DENND5B: variants seen among roughly 807,000 people sequenced by gnomAD.
The protein encoded by DENND5B is DENN domain containing 5B.
Under a neutral mutation model 140.6 loss-of-function variants are expected in DENND5B, and 34 were observed. That is an observed-to-expected ratio of 0.24 (90% CI 0.18 to 0.32). DENND5B has a LOEUF of 0.32. DENND5B is among the 10% of genes least tolerant of loss of function. The probability of loss-of-function intolerance (pLI) is 1.00; values close to 1 mark genes in which losing one functional copy is unlikely to be tolerated. For missense variants in DENND5B, 1,142 were observed against 1,560.2 expected (o/e 0.73, Z 4.52); for synonymous variants, 551 against 562.1 (o/e 0.98, Z 0.28).
intron 14 of DENND5B, among the ~76,000 whole-genome samples, chr12:31,403,419 C>G (rs1941922812): frequency 6.6e-6 from 1 of 151,312 alleles, no homozygotes; most frequent in Non-Finnish European, 1.5e-5. Flanking sequence ...ATGGCAAAAC[C>G]CCGTCTCTAC....
chr12:31,549,775 A>G (rs1045837951), intron 1 of DENND5B, among the ~76,000 whole-genome samples: 5 of 151,798 alleles, frequency 3.3e-5, no homozygotes, highest in African/African-American at 1.2e-4. Flanking sequence ...TTCACCTCCC[A>G]TTTGTAAGTG....
intron 3 of DENND5B, among the ~76,000 whole-genome samples, chr12:31,473,349 T>C (rs1468318177): frequency 6.6e-6 from 1 of 152,202 alleles, no homozygotes; most frequent in Admixed American, 6.5e-5. Context: ...TTAAACACAC[T>C]TTATCTAAAT....
intron 14 of DENND5B, among the ~76,000 whole-genome samples, chr12:31,404,108 C>T (rs1220035551): frequency 6.6e-6 from 1 of 151,636 alleles, no homozygotes; most frequent in Non-Finnish European, 1.5e-5. Context: ...ACTTGTAGTC[C>T]CAGCTACTCA....
intron 1 of DENND5B, among the ~76,000 whole-genome samples, chr12:31,561,141 A>C (rs948674689): frequency 6.6e-6 from 1 of 152,210 alleles, no homozygotes; most frequent in Non-Finnish European, 1.5e-5. Context: ...CAGTTACCAA[A>C]AAGGATCTAT....
At position 31,387,263 on chromosome 12, in the gene DENND5B, A is replaced by C; in HGVS notation, c.*340T>G. The C allele has an allele frequency of 5.5e-6, 1 of 181,246 alleles. No individual in the cohort carries two copies. The highest frequency in any genetic ancestry group is 1.2e-5 in the Non-Finnish European group (1 of 86,482). The allele number at this position is 181,246 out of a possible 1,614,324, so 11.2% of individuals were successfully genotyped here. ...GTTTACTGGCTTCTTCCTGGCTAGC[A>C]CCACTCTTCCCCCCAACCCCCAACA... On this transcript the variant is annotated 3_prime_UTR_variant, in exon 21 of 21. Coordinates refer to ENST00000389082, the MANE Select transcript of DENND5B (RefSeq NM_144973.4).
chr12:31,491,975 G>A (rs1240191153), intron 2 of DENND5B, among the ~76,000 whole-genome samples: 1 of 152,142 alleles, frequency 6.6e-6, no homozygotes, highest in African/African-American at 2.4e-5. Flanking sequence ...TCTTTAGGTG[G>A]GAATAAATTA....
chr12:31,426,045 G>A (rs1943216288), intron 9 of DENND5B, among the ~76,000 whole-genome samples: 1 of 152,204 alleles, frequency 6.6e-6, no homozygotes, highest in African/African-American at 2.4e-5. Context: ...TCATGTTGGT[G>A]AGGAGGAGAG....
At chr12:31,433,542 A>G (rs905313624) in intron 7 of DENND5B, among the ~76,000 whole-genome samples, 6 of 151,336 alleles carry the variant, frequency 4.0e-5, no homozygotes, top group African/African-American at 1.2e-4. Flanking sequence ...ATACATAACA[A>G]TAAGTCAAAT....
chr12:31,580,521 G>A (rs983689805), intron 1 of DENND5B, among the ~76,000 whole-genome samples: 3 of 151,786 alleles, frequency 2.0e-5, no homozygotes, highest in African/African-American at 7.3e-5. Context: ...TTGAGACAGG[G>A]TCTCACTCTG....
intron 1 of DENND5B, among the ~76,000 whole-genome samples, chr12:31,514,461 T>G (rs574068307): frequency 5.6e-4 from 85 of 152,310 alleles, no homozygotes; most frequent in Non-Finnish European, 9.6e-4. Context: ...TGTGTAAAGA[T>G]TTTTACCTTG....
At chr12:31,428,877 G>A (rs1190539154) in intron 8 of DENND5B, among the ~76,000 whole-genome samples, 2 of 152,142 alleles carry the variant, frequency 1.3e-5, no homozygotes, top group South Asian at 2.1e-4. Context: ...GACTACAGGC[G>A]TCTGCCACCA....
At chr12:31,584,363 T>C (rs1317819873) in intron 1 of DENND5B, among the ~76,000 whole-genome samples, 2 of 152,260 alleles carry the variant, frequency 1.3e-5, no homozygotes, top group Admixed American at 1.3e-4. Flanking sequence ...CTTGGGGTTA[T>C]CACAGAGAAT....
At position 31,479,730 on chromosome 12, in the gene DENND5B, T is replaced by C; in HGVS notation, c.763A>G (p.Ile255Val). Residue 255 changes from isoleucine to valine, a missense_variant, in exon 3 of 21, where the codon ATC becomes GTC. Transcript: ENST00000389082. The part of the protein sequence containing the change: ...LKFYGVYEPV[I>V]CQRPGPSELP... ...TCACTGGGCCCAGGCCTCTGGCAGATGACAGGTTCATAAACACCATAAAAT... is the reference window on the plus strand; with the variant it reads ...TCACTGGGCCCAGGCCTCTGGCAGACGACAGGTTCATAAACACCATAAAAT... 1.2e-6 allele frequency: 2 copies of C among 1,600,582 alleles called. No individual in the cohort carries two copies. Among genetic ancestry groups the C allele is most frequent in the African/African-American group, 2.7e-5 (2 of 74,818 alleles).
intron 1 of DENND5B, among the ~76,000 whole-genome samples, chr12:31,546,369 G>C (rs1313267188): frequency 6.6e-6 from 1 of 151,864 alleles, no homozygotes; most frequent in Non-Finnish European, 1.5e-5. Context: ...TCCTCCCTGA[G>C]TAATACATAT....
At position 31,480,067 on chromosome 12, in the gene DENND5B, C is replaced by T. The variant is rs1306180968; in HGVS notation, c.426G>A (p.Glu142=). The T allele has an allele frequency of 5.6e-6, 9 of 1,613,856 alleles. No homozygotes were observed. The highest frequency in any genetic ancestry group is 7.6e-6 in the Non-Finnish European group (9 of 1,179,878). The change falls in exon 3 of 21, where the codon GAG becomes GAA. Residue 142 remains glutamate, a synonymous_variant. Coordinates refer to ENST00000389082, the MANE Select transcript of DENND5B (RefSeq NM_144973.4). ...MQTLYQMHNA[E]HYSSVYASSS... ...ATGAAGCATACACACTGCTGTAATG[C>T]TCAGCGTTGTGCATCTGGTAAAGTG...
At chr12:31,418,619 G>C (rs1246323419) in intron 11 of DENND5B, among the ~76,000 whole-genome samples, 1 of 152,056 alleles carries the variant, frequency 6.6e-6, no homozygotes, top group Admixed American at 6.6e-5. Flanking sequence ...AGGACAAAGT[G>C]AGATGGCTCA....
At chr12:31,399,149 A>T (rs1472429686) in intron 16 of DENND5B, among the ~76,000 whole-genome samples, 1 of 20,290 alleles carries the variant, frequency 4.9e-5, no homozygotes, top group African/African-American at 1.3e-4. Flanking sequence ...AAAAAAAGAG[A>T]GAGAAAGAAA....
At chr12:31,504,248 A>G (rs1269120162) in intron 1 of DENND5B, among the ~76,000 whole-genome samples, 3 of 152,260 alleles carry the variant, frequency 2.0e-5, no homozygotes, top group African/African-American at 7.2e-5. Context: ...TTAACATACT[A>G]GAATGTACAT....
intron 1 of DENND5B, among the ~76,000 whole-genome samples, chr12:31,578,508 T>C (rs1950101809): frequency 6.6e-6 from 1 of 152,246 alleles, no homozygotes; most frequent in South Asian, 2.1e-4. Flanking sequence ...CCATTATGTA[T>C]GGGGCTATGC....
Sources: allele counts gnomAD v4.1 joint callset (sites outside exome capture counted in the v4.1 genomes callset), GRCh38; gene constraint gnomAD v4.1.1; transcripts MANE v1.5; gene names NCBI Gene and HGNC (gene_info 2026-07-23, HGNC 2026-07-21).